POFUT3: variants seen among roughly 807,000 people sequenced by gnomAD.
POFUT3 encodes the protein protein O-fucosyltransferase 3.
chr8:33,335,128 A>C, the POFUT3 span, among the ~76,000 whole-genome samples: 3 of 151,274 alleles, frequency 2.0e-5, no homozygotes, highest in Non-Finnish European at 2.9e-5. Flanking sequence ...TTTAGCAACC[A>C]GCTGTCCAGG....
chr8:33,338,337 A>C, the POFUT3 span, among the ~76,000 whole-genome samples: 2 of 151,970 alleles, frequency 1.3e-5, no homozygotes, highest in Non-Finnish European at 2.9e-5. Flanking sequence ...AATTAACACC[A>C]ACACTTCTCA....
the POFUT3 span, among the ~76,000 whole-genome samples, chr8:33,426,765 C>T: frequency 6.6e-6 from 1 of 152,308 alleles, no homozygotes; most frequent in East Asian, 1.9e-4. Flanking sequence ...GCCTGGAAGC[C>T]GTGTAATTTC....
the POFUT3 span, among the ~76,000 whole-genome samples, chr8:33,440,702 A>G: frequency 3.3e-5 from 5 of 152,236 alleles, no homozygotes; most frequent in Admixed American, 2.0e-4. Flanking sequence ...TAATCTATTT[A>G]CATTGCTATC....
chr8:33,424,657 G>A, the POFUT3 span, among the ~76,000 whole-genome samples: 2 of 152,088 alleles, frequency 1.3e-5, no homozygotes, highest in African/African-American at 2.4e-5. Context: ...TTTTCTTCTG[G>A]ATAATCCCTG....
the POFUT3 span, chr8:33,453,508 G>A: frequency 2.5e-6 from 4 of 1,592,532 alleles, no homozygotes; most frequent in Non-Finnish European, 2.6e-6. Context: ...GCTCAACCAT[G>A]ACCTAAAAGA....
the POFUT3 span, among the ~76,000 whole-genome samples, chr8:33,471,254 TG>T: frequency 9.4e-5 from 14 of 149,234 alleles, no homozygotes; most frequent in African/African-American, 3.6e-4. Context: ...TTGTTGTTGT[TG>T]TTGTTTTGTT....
chr8:33,463,481 G>A, the POFUT3 span, among the ~76,000 whole-genome samples: 1 of 151,912 alleles, frequency 6.6e-6, no homozygotes, highest in East Asian at 1.9e-4. Flanking sequence ...CTCCAGCCTG[G>A]GCGACAAAGC....
chr8:33,369,745 G>A, the POFUT3 span, among the ~76,000 whole-genome samples: 15 of 152,040 alleles, frequency 9.9e-5, no homozygotes, highest in Non-Finnish European at 2.9e-5. Flanking sequence ...AAGGAATGAT[G>A]TTCATTTTTG....
At chr8:33,427,635 G>GA in the POFUT3 span, among the ~76,000 whole-genome samples, 45 of 151,938 alleles carry the variant, frequency 3.0e-4, no homozygotes, top group Non-Finnish European at 4.6e-4. Context: ...TAATTACAAA[G>GA]AAAAAAAATT....
chr8:33,380,136 A>AGT, the POFUT3 span, among the ~76,000 whole-genome samples: 1 of 68,752 alleles, frequency 1.5e-5, no homozygotes, highest in Non-Finnish European at 2.4e-5. Context: ...ATATATATAT[A>AGT]CTATATATAT....
chr8:33,432,395 G>A, the POFUT3 span, among the ~76,000 whole-genome samples: 3 of 148,156 alleles, frequency 2.0e-5, no homozygotes, highest in Admixed American at 1.3e-4. Flanking sequence ...CAATAAAAGC[G>A]AGACTCTGTC....
the POFUT3 span, among the ~76,000 whole-genome samples, chr8:33,360,548 G>T: frequency 1.3e-5 from 2 of 152,032 alleles, 1 homozygote; most frequent in East Asian, 3.8e-4. Flanking sequence ...TGAACATAGT[G>T]GTACTGAAAC....
At chr8:33,372,698 C>T in the POFUT3 span, 11 of 1,613,946 alleles carry the variant, frequency 6.8e-6, no homozygotes, top group East Asian at 4.5e-5. Context: ...CCACATCTCT[C>T]GCAAAGAGCT....
At chr8:33,462,176 G>C in the POFUT3 span, among the ~76,000 whole-genome samples, 1 of 149,862 alleles carries the variant, frequency 6.7e-6, no homozygotes, top group African/African-American at 2.5e-5. Context: ...AGGGACCAGA[G>C]TGGTGAATTG....
chr8:33,391,514 G>C, the POFUT3 span, among the ~76,000 whole-genome samples: 1 of 152,216 alleles, frequency 6.6e-6, no homozygotes, highest in Non-Finnish European at 1.5e-5. Flanking sequence ...CATTAAGATA[G>C]AGAAACATGA....
chr8:33,429,336 C>A, the POFUT3 span, among the ~76,000 whole-genome samples: 1 of 151,864 alleles, frequency 6.6e-6, no homozygotes, highest in Non-Finnish European at 1.5e-5. Context: ...CCTCTCCCTG[C>A]CAAAAAAAGT....
chr8:33,434,577 G>T, the POFUT3 span, among the ~76,000 whole-genome samples: 1 of 152,110 alleles, frequency 6.6e-6, no homozygotes, highest in African/African-American at 2.4e-5. Context: ...AAGCATAAAA[G>T]CTATTACCTT....
At chr8:33,372,418 A>G in the POFUT3 span, 1 of 1,411,942 alleles carries the variant, frequency 7.1e-7, no homozygotes, top group Non-Finnish European at 9.2e-7. Context: ...AGGGTAATTT[A>G]CATCTATTCC....
chr8:33,333,433 A>T, the POFUT3 span, among the ~76,000 whole-genome samples: 1 of 152,290 alleles, frequency 6.6e-6, no homozygotes, highest in South Asian at 2.1e-4. Flanking sequence ...GGGAAAAGAG[A>T]TGTCTAGAAA....
Sources: gnomAD v4.1 joint callset for allele counts (sites outside exome capture counted in the v4.1 genomes callset) on GRCh38, gnomAD v4.1.1 for gene constraint, MANE v1.5 for transcripts, NCBI Gene and HGNC (gene_info 2026-07-23, HGNC 2026-07-21) for gene names.